EDIL3: variants seen among roughly 807,000 people sequenced by gnomAD.
EDIL3 encodes EGF like and discoidin domains 3, also known as EGF-like repeat and discoidin I-like domain-containing protein 3.
In EDIL3, 37 loss-of-function variants were observed where a neutral mutation model predicts 67.4. The ratio of observed to expected loss-of-function variants is 0.55; its 90% CI spans 0.42 to 0.72. The LOEUF (loss-of-function observed/expected upper bound fraction) is 0.72, where lower values mean the gene tolerates loss of function less well. Among genes scored for constraint, EDIL3 ranks in the 30% least tolerant of loss-of-function variants. The pLI, the probability that EDIL3 is intolerant of heterozygous loss-of-function variation, is 0.00. For synonymous variants in EDIL3, 195 were observed against 196.3 expected, an observed-to-expected ratio of 0.99 and a Z score of 0.05; for missense variants, 527 against 586.3, an observed-to-expected ratio of 0.90 and a Z score of 1.04.
chr5:84,184,960 G>A (rs1749083240), intron 3 of EDIL3, among the ~76,000 whole-genome samples: 1 of 152,150 alleles, frequency 6.6e-6, no homozygotes. Flanking sequence ...TCATTTAATG[G>A]ATGAGGATGG....
chr5:84,201,713 A>C (rs941573925), intron 3 of EDIL3, among the ~76,000 whole-genome samples: 1 of 152,156 alleles, frequency 6.6e-6, no homozygotes. Flanking sequence ...TAAAACTTGA[A>C]AGGTTCCAAA....
rs141389890 is a variant in EDIL3 at position 83,963,856 on chromosome 5, G to A, written c.1138-496C>T. 1.8e-3 allele frequency among the ~76,000 whole-genome samples: 266 copies of A among 151,842 alleles called. 2 individuals are homozygous for A. Among genetic ancestry groups the A allele is most frequent in the African/African-American group, 5.9e-3 (246 of 41,476 alleles). The stretch of plus-strand genomic sequence containing the variant: ...ATTAGATTTTCACAATGGAACATTA[G>A]TCAATCCTGTTTCCATAAATTTTAA... On this transcript the variant is annotated intron_variant, in intron 9 of 10. Transcript: ENST00000296591.
At chr5:83,980,067 A>C (rs1744943083) in intron 9 of EDIL3, among the ~76,000 whole-genome samples, 1 of 151,962 alleles carries the variant, frequency 6.6e-6, no homozygotes, top group Non-Finnish European at 1.5e-5. Context: ...GCACAATGAA[A>C]CTCTTGAGAC....
chr5:84,117,730 CA>C (rs1747697239), intron 5 of EDIL3, among the ~76,000 whole-genome samples: 1 of 147,480 alleles, frequency 6.8e-6, no homozygotes, highest in Non-Finnish European at 1.5e-5. Flanking sequence ...CTTTTTTTTT[CA>C]TTTTGGCTTT....
chr5:84,158,857 T>C (rs1317926402), intron 4 of EDIL3, among the ~76,000 whole-genome samples: 2 of 152,056 alleles, frequency 1.3e-5, no homozygotes, highest in East Asian at 3.8e-4. Flanking sequence ...AATTCTGTCA[T>C]TTCATGTTTT....
rs546579802 is a variant in EDIL3, at chr5:84,270,633, G to A, written c.68-16421C>T. On this transcript the variant is annotated intron_variant, in intron 1 of 10. Transcript: ENST00000296591. ...CAACAACATACTAACCACTAAGAAC[G>A]AATCATGTGGCAAGCACCGTTCTAA... 1.9e-4 allele frequency among the ~76,000 whole-genome samples: 29 copies of A among 152,164 alleles called. No homozygotes were observed. In the South Asian group the frequency reaches 5.6e-3, roughly 29 times the overall value.
intron 1 of EDIL3, among the ~76,000 whole-genome samples, chr5:84,279,046 G>A (rs1745642875): frequency 6.6e-6 from 1 of 151,796 alleles, no homozygotes; most frequent in African/African-American, 2.4e-5. Context: ...TAAATTAGTA[G>A]ACTTAAATAG....
chr5:84,168,803 C>G (rs917808968), intron 4 of EDIL3, among the ~76,000 whole-genome samples: 1 of 152,220 alleles, frequency 6.6e-6, no homozygotes, highest in African/African-American at 2.4e-5. Flanking sequence ...TGAACCTATT[C>G]TTTGCCATCT....
Position 84,384,341 on chromosome 5 carries a change from C to T in EDIL3, c.34G>A (p.Gly12Arg). ...AACTGGGGGACACCGAGGCTGAGCC[C>T]GACCAAGAGCCAGACGGCTACCGAG... is the stretch of plus-strand genomic sequence containing the variant. ...KRSVAVWLLV[G>R]LSLGVPQFGK... Residue 12 changes from glycine to arginine, a missense_variant, in exon 1 of 11, where the codon GGG (glycine) becomes AGG (arginine). Around this residue, in one of 2 missense-constraint regions of EDIL3, gnomAD observed 494 missense variants for 522.5 expected, o/e 0.95. Coordinates refer to ENST00000296591, the MANE Select transcript of EDIL3 (RefSeq NM_005711.5). The T allele has an allele frequency of 1.9e-6, 3 of 1,612,260 alleles. No individual in the cohort carries two copies. The highest frequency in any genetic ancestry group is 2.5e-6 in the Non-Finnish European group (3 of 1,179,254).
chr5:84,295,925 A>G (rs1746043760), intron 1 of EDIL3, among the ~76,000 whole-genome samples: 1 of 152,184 alleles, frequency 6.6e-6, no homozygotes, highest in Admixed American at 6.5e-5. Flanking sequence ...GACAGAAGTT[A>G]CCATATTTTT....
At chr5:84,313,495 G>A (rs1746446136) in intron 1 of EDIL3, among the ~76,000 whole-genome samples, 1 of 152,212 alleles carries the variant, frequency 6.6e-6, no homozygotes, top group African/African-American at 2.4e-5. Flanking sequence ...ATAGAATCCT[G>A]TAGCTACCAT....
At chr5:84,371,341 A>ATATATATATATATATATATG (rs1008172581) in intron 1 of EDIL3, among the ~76,000 whole-genome samples, 3 of 129,692 alleles carry the variant, frequency 2.3e-5, no homozygotes, top group Non-Finnish European at 3.4e-5. Flanking sequence ...ATATATATAT[A>ATATATATATATATATATATG]TGTGTGTGTG....
At chr5:84,049,173 T>G (rs762036165) in intron 9 of EDIL3, among the ~76,000 whole-genome samples, 1 of 152,336 alleles carries the variant, frequency 6.6e-6, no homozygotes, top group South Asian at 2.1e-4. Flanking sequence ...TTCAAAGTTT[T>G]TATGTGCCAA....
chr5:84,080,323 C>G (rs1338665360), intron 6 of EDIL3, among the ~76,000 whole-genome samples: 2 of 93,154 alleles, frequency 2.1e-5, no homozygotes, highest in South Asian at 3.6e-4. Context: ...AAAATTAACT[C>G]AAATATAACT....
At chr5:84,023,571 G>C (rs1488688583) in intron 9 of EDIL3, among the ~76,000 whole-genome samples, 1 of 151,866 alleles carries the variant, frequency 6.6e-6, no homozygotes, top group South Asian at 2.1e-4. Context: ...TTTCAAAACT[G>C]AACAAAAGTT....
At chr5:84,024,895 G>C (rs1021429289) in intron 9 of EDIL3, among the ~76,000 whole-genome samples, 4 of 151,662 alleles carry the variant, frequency 2.6e-5, no homozygotes, top group Admixed American at 2.0e-4. Flanking sequence ...AAAATTTGGG[G>C]CATTAAGAGC....
At chr5:84,068,402 C>G (rs1002103241) in intron 6 of EDIL3, among the ~76,000 whole-genome samples, 20 of 152,102 alleles carry the variant, frequency 1.3e-4, no homozygotes, top group Admixed American at 1.2e-3. Context: ...TTTCAATTAT[C>G]TTGTTTATAC....
At chr5:83,946,220 T>C (rs186294185) in intron 10 of EDIL3, among the ~76,000 whole-genome samples, 1 of 152,028 alleles carries the variant, frequency 6.6e-6, no homozygotes, top group East Asian at 1.9e-4. Flanking sequence ...GGAGTGAAAA[T>C]ATTTTACATG....
At chr5:84,161,420 T>C (rs746047448) in intron 4 of EDIL3, among the ~76,000 whole-genome samples, 2 of 152,008 alleles carry the variant, frequency 1.3e-5, no homozygotes, top group African/African-American at 2.4e-5. Flanking sequence ...AGATAAAGAT[T>C]CACCCCAACC....
Sources: gnomAD v4.1 joint callset for allele counts (sites outside exome capture counted in the v4.1 genomes callset) on GRCh38, gnomAD v4.1.1 for gene constraint, gnomAD v4.1.1 regional missense constraint, MANE v1.5 for transcripts, NCBI Gene and HGNC (gene_info 2026-07-23, HGNC 2026-07-21) for gene names.